DCC: variants seen among roughly 807,000 people sequenced by gnomAD.
DCC encodes the protein DCC netrin 1 receptor, also known as netrin receptor DCC.
A neutral mutation model predicts 172.5 loss-of-function variants in DCC; 58 were observed. That is an observed-to-expected ratio of 0.34 (90% CI 0.27 to 0.42). DCC has a LOEUF of 0.42. Ranked by LOEUF, DCC falls within the 10% of genes least tolerant of loss-of-function variation. The pLI is 1.00. For synonymous variants in DCC, 709 were observed against 644.5 expected (o/e 1.10, Z -1.52); for missense variants, 1,740 against 1,791.0 (o/e 0.97, Z 0.51).
intron 27 of DCC, among the ~76,000 whole-genome samples, chr18:53,516,328 A>G (rs1408226773): frequency 1.4e-5 from 2 of 147,828 alleles, no homozygotes; most frequent in Non-Finnish European, 2.9e-5. Context: ...TAAACGTTAG[A>G]CCTAAAACCA....
chr18:53,426,406 ATT>A (rs907838895), intron 21 of DCC, among the ~76,000 whole-genome samples: 2 of 128,082 alleles, frequency 1.6e-5, no homozygotes, highest in African/African-American at 5.3e-5. Flanking sequence ...TATGATATAT[ATT>A]TTTATGATAT....
intron 15 of DCC, among the ~76,000 whole-genome samples, chr18:53,350,193 A>G (rs1751654567): frequency 1.3e-5 from 2 of 152,174 alleles, no homozygotes; most frequent in African/African-American, 4.8e-5. Flanking sequence ...TAATTAGTCC[A>G]TGTAAAACTA....
chr18:53,278,619 C>T (rs1050272204), intron 12 of DCC, among the ~76,000 whole-genome samples: 6 of 152,068 alleles, frequency 3.9e-5, no homozygotes, highest in Non-Finnish European at 5.9e-5. Context: ...AAAAGGAAAG[C>T]CTATTGATGT....
At chr18:52,854,825 G>A (rs1462998493) in intron 2 of DCC, among the ~76,000 whole-genome samples, 1 of 152,152 alleles carries the variant, frequency 6.6e-6, no homozygotes, top group African/African-American at 2.4e-5. Flanking sequence ...TGTTTCCACT[G>A]ACCCATTAAC....
At chr18:52,859,474 T>C (rs1171512947) in intron 2 of DCC, among the ~76,000 whole-genome samples, 4 of 152,156 alleles carry the variant, frequency 2.6e-5, no homozygotes. Flanking sequence ...ACAGCAAGAA[T>C]GGGTGCTTGG....
intron 6 of DCC, among the ~76,000 whole-genome samples, chr18:53,063,824 AC>A (rs947263026): frequency 1.3e-5 from 2 of 152,176 alleles, no homozygotes; most frequent in African/African-American, 2.4e-5. Flanking sequence ...TACTTCTTTG[AC>A]TTTTACCCAT....
At chr18:52,890,919 G>A (rs2039640265) in intron 2 of DCC, among the ~76,000 whole-genome samples, 1 of 152,100 alleles carries the variant, frequency 6.6e-6, no homozygotes, top group South Asian at 2.1e-4. Flanking sequence ...TGTTTTAAAT[G>A]TATGTTCTTG....
chr18:53,176,548 C>T (rs2055097963), intron 8 of DCC, among the ~76,000 whole-genome samples: 1 of 151,832 alleles, frequency 6.6e-6, no homozygotes, highest in Non-Finnish European at 1.5e-5. Context: ...CAAAAGAAGA[C>T]ATTTATGCAG....
At chr18:53,215,346 C>T (rs1024392592) in intron 11 of DCC, among the ~76,000 whole-genome samples, 1 of 141,544 alleles carries the variant, frequency 7.1e-6, no homozygotes, top group Non-Finnish European at 1.6e-5. Flanking sequence ...AGTTAACTGG[C>T]TAGCGAAATG....
chr18:52,463,016 G>T (rs755807925), intron 1 of DCC, among the ~76,000 whole-genome samples: 13 of 152,180 alleles, frequency 8.5e-5, no homozygotes, highest in Admixed American at 6.5e-4. Context: ...TGTCCACTGC[G>T]ATGGCTGCCA....
chr18:53,515,705 T>A (rs2046325283), intron 27 of DCC, among the ~76,000 whole-genome samples: 3 of 150,464 alleles, frequency 2.0e-5, no homozygotes, highest in Admixed American at 6.6e-5. Flanking sequence ...CACAATTGCT[T>A]CAAAGAGAAT....
At chr18:52,924,138 G>A (rs2040165290) in intron 4 of DCC, among the ~76,000 whole-genome samples, 1 of 152,052 alleles carries the variant, frequency 6.6e-6, no homozygotes, top group African/African-American at 2.4e-5. Flanking sequence ...GTCTTCAGCA[G>A]AGAAATTTTG....
intron 2 of DCC, among the ~76,000 whole-genome samples, chr18:52,832,090 T>G (rs572092502): frequency 6.6e-6 from 1 of 152,340 alleles, no homozygotes; most frequent in African/African-American, 2.4e-5. Context: ...TAGCCATGCT[T>G]GCAGCATGAT....
At chr18:52,630,073 C>T (rs980443751) in intron 1 of DCC, among the ~76,000 whole-genome samples, 1 of 151,846 alleles carries the variant, frequency 6.6e-6, no homozygotes, top group African/African-American at 2.4e-5. Context: ...GATCATGCCA[C>T]TGCACTCCAG....
At chr18:52,501,676 T>C (rs543354310) in intron 1 of DCC, among the ~76,000 whole-genome samples, 32 of 152,276 alleles carry the variant, frequency 2.1e-4, no homozygotes, top group Non-Finnish European at 3.8e-4. Context: ...AGTCAGAATT[T>C]AAGCCCATGT....
At chr18:52,420,690 C>G (rs969552425) in intron 1 of DCC, among the ~76,000 whole-genome samples, 5 of 151,728 alleles carry the variant, frequency 3.3e-5, no homozygotes, top group East Asian at 1.9e-4. Flanking sequence ...TAAATTTGAG[C>G]TAAGAGGTTA....
intron 7 of DCC, among the ~76,000 whole-genome samples, chr18:53,085,150 C>T (rs1359732852): frequency 1.3e-5 from 2 of 152,102 alleles, no homozygotes; most frequent in African/African-American, 4.8e-5. Context: ...AGCCAGGAAG[C>T]CACAAGGAAT....
chr18:53,383,310 T>C (rs1907906364), intron 15 of DCC, among the ~76,000 whole-genome samples: 1 of 152,058 alleles, frequency 6.6e-6, no homozygotes, highest in African/African-American at 2.4e-5. Flanking sequence ...GCTAGAATTA[T>C]GTTCTGATTT....
intron 1 of DCC, among the ~76,000 whole-genome samples, chr18:52,592,892 A>G (rs771465751): frequency 6.6e-6 from 1 of 152,048 alleles, no homozygotes; most frequent in Non-Finnish European, 1.5e-5. Context: ...TGATCCTCCC[A>G]ACTTGGCCTC....
Sources: gnomAD v4.1 joint callset for allele counts (sites outside exome capture counted in the v4.1 genomes callset) on GRCh38, gnomAD v4.1.1 for gene constraint, MANE v1.5 for transcripts, NCBI Gene and HGNC (gene_info 2026-07-23, HGNC 2026-07-21) for gene names.